ZFAND3: variants seen among roughly 807,000 people sequenced by gnomAD.
The protein encoded by ZFAND3 is zinc finger AN1-type containing 3, also known as AN1-type zinc finger protein 3.
ZFAND3 carries 10 observed loss-of-function variants against 29.6 expected under a neutral mutation model. The ratio of observed to expected loss-of-function variants is 0.34; its 90% CI spans 0.21 to 0.57. The LOEUF (loss-of-function observed/expected upper bound fraction) is 0.57, where lower values mean the gene tolerates loss of function less well. ZFAND3 is among the 20% of genes least tolerant of loss of function. The pLI, the probability that ZFAND3 is intolerant of heterozygous loss-of-function variation, is 0.86. For synonymous variants in ZFAND3, 128 were observed against 112.6 expected (o/e 1.14, Z -0.87); for missense variants, 230 against 304.5 (o/e 0.76, Z 1.82).
chr6:37,847,672 T>C (rs1451969562), intron 1 of ZFAND3, among the ~76,000 whole-genome samples: 15 of 152,202 alleles, frequency 9.9e-5, no homozygotes. Context: ...CCATTCTAGA[T>C]ACATAGGAAA....
chr6:38,006,446 GTTC>G lies in ZFAND3; in HGVS notation c.113-55142_113-55140del, dbSNP rs898676501. Among the ~76,000 whole-genome samples the G allele has an allele frequency of 4.6e-5, 7 of 152,132 alleles. No individual in the cohort carries two copies. In the East Asian group the frequency reaches 1.2e-3, roughly 25 times the overall value. ...TTTTTAAATTAAATATAAATTTGGT[GTTC>G]TTCTGGAACTCTGCTGTTTCGAGTG... On this transcript the variant is annotated intron_variant, in intron 2 of 5. Coordinates refer to ENST00000287218, the MANE Select transcript of ZFAND3 (RefSeq NM_021943.3).
At chr6:38,134,499 T>C (rs1765803848) in intron 5 of ZFAND3, among the ~76,000 whole-genome samples, 1 of 152,188 alleles carries the variant, frequency 6.6e-6, no homozygotes, top group Non-Finnish European at 1.5e-5. Flanking sequence ...GCCCCTAGAA[T>C]AGAGCTCTGT....
At chr6:37,844,302 T>C (rs1764136789) in intron 1 of ZFAND3, among the ~76,000 whole-genome samples, 2 of 151,408 alleles carry the variant, frequency 1.3e-5, no homozygotes, top group Admixed American at 1.3e-4. Context: ...CTTGTCTTTC[T>C]TTCTTGTCTT....
At chr6:38,142,340 G>A (rs773045791) in intron 5 of ZFAND3, 3 of 471,218 alleles carry the variant, frequency 6.4e-6, no homozygotes, top group Admixed American at 2.3e-5. Flanking sequence ...CTGTGACTTG[G>A]ATGAACTGAC....
At chr6:38,019,740 G>A (rs2127447019) in intron 2 of ZFAND3, among the ~76,000 whole-genome samples, 1 of 152,246 alleles carries the variant, frequency 6.6e-6, no homozygotes, top group South Asian at 2.1e-4. Context: ...TGTTTTTTGA[G>A]ATGGAGTCTC....
intron 2 of ZFAND3, among the ~76,000 whole-genome samples, chr6:38,057,816 A>G (rs1477475780): frequency 6.6e-6 from 1 of 152,192 alleles, no homozygotes; most frequent in African/African-American, 2.4e-5. Flanking sequence ...AAGCCATTAC[A>G]GGTTGTAACA....
At chr6:37,929,320 A>G (rs1761548620) in intron 1 of ZFAND3, among the ~76,000 whole-genome samples, 1 of 152,214 alleles carries the variant, frequency 6.6e-6, no homozygotes, top group Non-Finnish European at 1.5e-5. Flanking sequence ...GGGACGATTA[A>G]TAAGATAATG....
intron 2 of ZFAND3, among the ~76,000 whole-genome samples, chr6:37,962,715 G>A (rs540569500): frequency 2.6e-5 from 4 of 152,156 alleles, no homozygotes; most frequent in African/African-American, 9.7e-5. Context: ...GGATGTGGGC[G>A]GGGCCAAATA....
intron 2 of ZFAND3, among the ~76,000 whole-genome samples, chr6:37,953,054 T>C (rs931247047): frequency 1.3e-5 from 2 of 152,130 alleles, no homozygotes; most frequent in Admixed American, 1.3e-4. Flanking sequence ...AGTAGGTAGT[T>C]GAGTGTTGCT....
intron 1 of ZFAND3, among the ~76,000 whole-genome samples, chr6:37,909,276 C>CTT (rs142698620): frequency 2.9e-5 from 4 of 139,896 alleles, no homozygotes; most frequent in Admixed American, 7.1e-5. Context: ...TTCTTTTTTT[C>CTT]TTTTTTTTTT....
intron 5 of ZFAND3, among the ~76,000 whole-genome samples, chr6:38,138,635 G>C (rs1469031383): frequency 6.6e-6 from 1 of 152,186 alleles, no homozygotes; most frequent in East Asian, 1.9e-4. Flanking sequence ...GTGCAGAGCC[G>C]ATTCAGGACA....
intron 2 of ZFAND3, among the ~76,000 whole-genome samples, chr6:38,039,305 T>C (rs1254004624): frequency 3.3e-5 from 5 of 152,212 alleles, no homozygotes; most frequent in African/African-American, 9.6e-5. Context: ...GTGTTTTGTC[T>C]CACATCAATG....
chr6:37,935,936 A>G (rs1410587627), intron 2 of ZFAND3, among the ~76,000 whole-genome samples: 2 of 152,204 alleles, frequency 1.3e-5, no homozygotes, highest in Non-Finnish European at 1.5e-5. Flanking sequence ...CATAGAGTCT[A>G]ATGAATATTC....
Position 38,103,424 on chromosome 6 carries a change from CACAT to C in ZFAND3, c.362-13146_362-13143del, listed in dbSNP as rs1237480545. Among the ~76,000 whole-genome samples the C allele has an allele frequency of 6.5e-5, 9 of 138,356 alleles. No individual in the cohort carries two copies. The South Asian group carries it at 1.1e-3, about 17-fold the overall frequency. 90.8% of individuals were successfully genotyped at this position (138,356 alleles called of 152,430 possible). A position where few individuals can be genotyped will look rare whatever the true frequency, so the allele number is the denominator to read the frequency against. ...ATATACACACACACGTATATACACA[CACAT>C]ATATATACACGTGTATATATATACA... On this transcript the variant is annotated intron_variant, in intron 4 of 5. Transcript: ENST00000287218.
intron 5 of ZFAND3, among the ~76,000 whole-genome samples, chr6:38,123,776 C>T (rs938096604): frequency 1.3e-5 from 2 of 152,000 alleles, no homozygotes; most frequent in Admixed American, 6.5e-5. Flanking sequence ...TTCTGATGTT[C>T]GGAGTTTCTT....
chr6:37,996,966 A>T (rs1326376428), intron 2 of ZFAND3, among the ~76,000 whole-genome samples: 5 of 152,074 alleles, frequency 3.3e-5, no homozygotes. Flanking sequence ...TGCATAGCAT[A>T]TTTTTCTTCT....
intron 1 of ZFAND3, among the ~76,000 whole-genome samples, chr6:37,864,404 TAGACAATTTCCCTTTATCTGTTCTTACA>T (rs1325952157): frequency 6.6e-6 from 1 of 152,220 alleles, no homozygotes; most frequent in Non-Finnish European, 1.5e-5. Context: ...TGCACATGTG[TAGACAATTTCCCTTTATCTGTTCTTACA>T]GATAAACTTC....
chr6:37,856,251 T>C (rs1764380501), intron 1 of ZFAND3, among the ~76,000 whole-genome samples: 1 of 152,130 alleles, frequency 6.6e-6, no homozygotes, highest in Non-Finnish European at 1.5e-5. Flanking sequence ...CCACTCGGCC[T>C]CCCAGATTGC....
At chr6:37,909,981 G>A (rs1044573816) in intron 1 of ZFAND3, among the ~76,000 whole-genome samples, 7 of 152,126 alleles carry the variant, frequency 4.6e-5, no homozygotes, top group Non-Finnish European at 1.0e-4. Flanking sequence ...TGAATGTTTA[G>A]TTTAATTTAA....
Sources: gnomAD v4.1 joint callset for allele counts (sites outside exome capture counted in the v4.1 genomes callset) on GRCh38, gnomAD v4.1.1 for gene constraint, MANE v1.5 for transcripts, NCBI Gene and HGNC (gene_info 2026-07-23, HGNC 2026-07-21) for gene names.